SNTG1: variants seen among roughly 807,000 people sequenced by gnomAD.
SNTG1 encodes syntrophin gamma 1.
SNTG1 carries 39 observed loss-of-function variants against 74.7 expected under a neutral mutation model. The ratio of observed to expected loss-of-function variants is 0.52; its 90% CI spans 0.40 to 0.68. The LOEUF is 0.68. SNTG1 is among the 30% of genes least tolerant of loss of function. SNTG1 has a pLI of 0.00. For synonymous variants in SNTG1, 254 were observed against 217.1 expected, an observed-to-expected ratio of 1.17 and a Z score of -1.49; for missense variants, 685 against 609.5, an observed-to-expected ratio of 1.12 and a Z score of -1.30.
chr8:50,047,815 T>C (rs1819227086), intron 1 of SNTG1, among the ~76,000 whole-genome samples: 1 of 152,176 alleles, frequency 6.6e-6, no homozygotes, highest in Non-Finnish European at 1.5e-5. Context: ...AGATTCTAGA[T>C]GAAGATGCGC....
intron 12 of SNTG1, among the ~76,000 whole-genome samples, chr8:50,566,017 T>A (rs950144205): frequency 1.3e-5 from 2 of 151,682 alleles, no homozygotes; most frequent in Non-Finnish European, 2.9e-5. Context: ...AAATGTTTAA[T>A]ATAAGTGAAT....
intron 2 of SNTG1, among the ~76,000 whole-genome samples, chr8:50,362,908 A>G (rs1409665696): frequency 6.6e-6 from 1 of 152,180 alleles, no homozygotes; most frequent in Non-Finnish European, 1.5e-5. Flanking sequence ...TCTACTGAAG[A>G]TCTCATCTTC....
intron 1 of SNTG1, among the ~76,000 whole-genome samples, chr8:49,968,338 G>A (rs895648649): frequency 6.6e-6 from 1 of 151,986 alleles, no homozygotes; most frequent in African/African-American, 2.4e-5. Context: ...GGTGTATTTT[G>A]TCTCATGTAA....
chr8:50,386,386 T>A (rs2092574178), intron 2 of SNTG1, among the ~76,000 whole-genome samples: 1 of 152,046 alleles, frequency 6.6e-6, no homozygotes, highest in Non-Finnish European at 1.5e-5. Context: ...TAATTCATAT[T>A]TAGTTCACAT....
intron 2 of SNTG1, among the ~76,000 whole-genome samples, chr8:50,230,719 C>A (rs1446550549): frequency 6.6e-6 from 1 of 151,218 alleles, no homozygotes; most frequent in African/African-American, 2.4e-5. Flanking sequence ...AGCCTGGACC[C>A]TTATCTCAGA....
chr8:50,583,777 T>C (rs1310381318), intron 12 of SNTG1, among the ~76,000 whole-genome samples: 1 of 151,986 alleles, frequency 6.6e-6, no homozygotes, highest in African/African-American at 2.4e-5. Flanking sequence ...TCTTTTCTTT[T>C]TTTTTTTAAT....
chr8:50,453,204 G>A (rs10088756), intron 8 of SNTG1, among the ~76,000 whole-genome samples: 15,719 of 152,202 alleles, frequency 0.1, 2,543 homozygotes, highest in African/African-American at 0.34. Flanking sequence ...ATAGAAGGGG[G>A]ATTTTACATT....
At chr8:50,300,317 C>G (rs2089592758) in intron 2 of SNTG1, among the ~76,000 whole-genome samples, 1 of 152,132 alleles carries the variant, frequency 6.6e-6, no homozygotes, top group South Asian at 2.1e-4. Flanking sequence ...ACATACATAT[C>G]TACATAGTAT....
intron 1 of SNTG1, among the ~76,000 whole-genome samples, chr8:50,144,637 G>C (rs1339464531): frequency 6.6e-6 from 1 of 152,158 alleles, no homozygotes. Flanking sequence ...TTCAGGAATG[G>C]GGATGGAGTG....
rs1251175106 is a variant in SNTG1, at chr8:50,116,350, A to T, written c.-102-56211A>T. 2.0e-5 allele frequency among the ~76,000 whole-genome samples: 3 copies of T among 152,178 alleles called. No homozygotes were observed. The South Asian group carries it at 6.2e-4, about 31-fold the overall frequency. ...ATTTTACTCCAAAATCAATTTCAGC[A>T]TAAAATTTGTCTTTCTTGATTTTTC... On this transcript the variant is annotated intron_variant, in intron 1 of 18. Coordinates refer to ENST00000642720, the MANE Select transcript of SNTG1 (RefSeq NM_018967.5).
intron 4 of SNTG1, among the ~76,000 whole-genome samples, chr8:50,421,108 C>T (rs1361190284): frequency 6.7e-6 from 1 of 149,764 alleles, no homozygotes; most frequent in African/African-American, 2.5e-5. Context: ...TATTACTTCC[C>T]TTGAACTGGT....
chr8:50,542,409 G>A (rs193235870), intron 11 of SNTG1, among the ~76,000 whole-genome samples: 21 of 151,792 alleles, frequency 1.4e-4, no homozygotes, highest in Admixed American at 5.9e-4. Context: ...CACCCGCCTC[G>A]GCCTCCTAAA....
chr8:50,661,026 C>G (rs2131293428), intron 15 of SNTG1, among the ~76,000 whole-genome samples: 1 of 152,076 alleles, frequency 6.6e-6, no homozygotes, highest in East Asian at 1.9e-4. Flanking sequence ...AGTTTTTTCC[C>G]CCACTTGTTA....
chr8:50,729,069 G>A (rs566805797), intron 17 of SNTG1, among the ~76,000 whole-genome samples: 1 of 152,230 alleles, frequency 6.6e-6, no homozygotes, highest in Admixed American at 6.5e-5. Flanking sequence ...TTCTATCTTA[G>A]GTCACCATAG....
At chr8:50,602,520 T>C (rs942371296) in intron 13 of SNTG1, among the ~76,000 whole-genome samples, 2 of 152,344 alleles carry the variant, frequency 1.3e-5, no homozygotes, top group East Asian at 1.9e-4. Context: ...TCTTTCTACT[T>C]AAGATGAATA....
At chr8:50,468,312 T>TA (rs1358954657) in intron 8 of SNTG1, among the ~76,000 whole-genome samples, 3 of 152,064 alleles carry the variant, frequency 2.0e-5, no homozygotes, top group African/African-American at 7.2e-5. Context: ...ATGCTGTTGT[T>TA]AGATTGTCTA....
chr8:50,091,119 T>G (rs183601634), intron 1 of SNTG1, among the ~76,000 whole-genome samples: 43 of 152,186 alleles, frequency 2.8e-4, no homozygotes, highest in Non-Finnish European at 5.0e-4. Context: ...AAAATATATT[T>G]TTTCTTAATT....
chr8:50,690,679 A>G lies in SNTG1; in HGVS notation c.1039-13921A>G, dbSNP rs182986171. Among the ~76,000 whole-genome samples, 94 of 152,246 alleles carry G rather than the reference A, an allele frequency of 6.2e-4. 1 individual carries two copies. In the East Asian group the frequency reaches 0.013, roughly 22 times the overall value. ...TGTTTTACTTCCAACTATGTGGTCA[A>G]TTTTGGAGTAGGTGTGGTGTGGTGC... On this transcript the variant is annotated intron_variant, in intron 15 of 18. Transcript: ENST00000642720.
chr8:50,498,447 G>A (rs939485922), intron 8 of SNTG1, among the ~76,000 whole-genome samples: 2 of 151,700 alleles, frequency 1.3e-5, no homozygotes, highest in Non-Finnish European at 3.0e-5. Flanking sequence ...TGTTTTATTA[G>A]GCGTTTGTAT....
Sources: gnomAD v4.1 joint callset for allele counts (sites outside exome capture counted in the v4.1 genomes callset) on GRCh38, gnomAD v4.1.1 for gene constraint, MANE v1.5 for transcripts, NCBI Gene and HGNC (gene_info 2026-07-23, HGNC 2026-07-21) for gene names.